Variants in USH2A observed in about 807,000 individuals in gnomAD.
USH2A encodes the protein Usher syndrome 2A (autosomal recessive, mild).
In USH2A, 443 loss-of-function variants were observed where a neutral mutation model predicts 538.9. The observed-to-expected ratio is 0.82, with a 90% CI of 0.76 to 0.89. The LOEUF is 0.89. Ranked by LOEUF, USH2A falls within the 40% of genes least tolerant of loss-of-function variation. The probability of loss-of-function intolerance (pLI) is 0.00; values close to 1 mark genes in which losing one functional copy is unlikely to be tolerated. For missense variants in USH2A, 6,633 were observed against 6,324.8 expected (o/e 1.05, Z -1.65); for synonymous variants, 2,413 against 2,273.5 (o/e 1.06, Z -1.75).
intron 58 of USH2A, among the ~76,000 whole-genome samples, chr1:215,744,635 G>A (rs889148381): frequency 1.3e-5 from 2 of 152,180 alleles, no homozygotes; most frequent in African/African-American, 4.8e-5. Context: ...TCTAAAGAAT[G>A]AAATGTGGTT....
chr1:216,316,037 C>T (rs996961829), intron 9 of USH2A, among the ~76,000 whole-genome samples: 1 of 151,778 alleles, frequency 6.6e-6, no homozygotes, highest in Admixed American at 6.6e-5. Flanking sequence ...AAAGTATTCT[C>T]TATGAGTGAA....
rs1052049860 is a variant in USH2A, at chr1:216,349,358, G to A, written c.784+15595C>T. On this transcript the variant is annotated intron_variant, in intron 4 of 71. Coordinates refer to ENST00000307340, the MANE Select transcript of USH2A (RefSeq NM_206933.4). ...GTAATTGTCAGGGGCTTTTGAACCAGAGCAACTCCATCTTGAATAGGGGCT... is the reference window on the plus strand; with the variant it reads ...GTAATTGTCAGGGGCTTTTGAACCAAAGCAACTCCATCTTGAATAGGGGCT... Among the ~76,000 whole-genome samples, 19 of 152,168 alleles carry A rather than the reference G, an allele frequency of 1.2e-4. No individual in the cohort carries two copies. The South Asian group carries it at 1.7e-3, about 13-fold the overall frequency.
At chr1:216,313,066 T>C (rs953039141) in intron 9 of USH2A, among the ~76,000 whole-genome samples, 6 of 152,134 alleles carry the variant, frequency 3.9e-5, no homozygotes, top group Admixed American at 3.3e-4. Flanking sequence ...GGGCAGCACA[T>C]GGGGAATGGT....
intron 47 of USH2A, among the ~76,000 whole-genome samples, chr1:215,836,713 C>T (rs574131319): frequency 7.6e-5 from 11 of 144,996 alleles, no homozygotes; most frequent in Admixed American, 7.2e-4. Context: ...CCCCCCACCA[C>T]GCCCTGCTAA....
At chr1:216,363,820 G>A (rs2038541616) in intron 4 of USH2A, among the ~76,000 whole-genome samples, 1 of 151,740 alleles carries the variant, frequency 6.6e-6, no homozygotes, top group African/African-American at 2.4e-5. Flanking sequence ...AACATTTGAA[G>A]GAGAAGTATT....
In USH2A at chr1:215,637,148, G is replaced by A. The variant is rs377149036; in HGVS notation, c.15052+2007C>T. ...CCACAGCCAGTGTCAGAGTAAATCCGTCTCTGTTGATGGCCTGCCTCCAGG... is the reference window on the plus strand; with the variant it reads ...CCACAGCCAGTGTCAGAGTAAATCCATCTCTGTTGATGGCCTGCCTCCAGG... On this transcript the variant is annotated intron_variant, in intron 69 of 71. Coordinates refer to ENST00000307340, the MANE Select transcript of USH2A (RefSeq NM_206933.4). 1.1e-4 allele frequency among the ~76,000 whole-genome samples: 16 copies of A among 152,182 alleles called. No homozygotes were observed. In the South Asian group the frequency reaches 1.5e-3, roughly 14 times the overall value.
chr1:216,016,303 T>A (rs1668710160), intron 32 of USH2A, among the ~76,000 whole-genome samples: 2 of 152,086 alleles, frequency 1.3e-5, no homozygotes, highest in African/African-American at 2.4e-5. Context: ...GTAACAAACC[T>A]GCACGTTTTG....
chr1:216,397,928 C>A (rs2039241649), intron 3 of USH2A, among the ~76,000 whole-genome samples: 1 of 152,196 alleles, frequency 6.6e-6, no homozygotes, highest in African/African-American at 2.4e-5. Flanking sequence ...CAGACATGCA[C>A]CTCCTATTGG....
intron 44 of USH2A, among the ~76,000 whole-genome samples, chr1:215,847,483 T>C (rs189572413): frequency 7.9e-5 from 12 of 151,714 alleles, no homozygotes; most frequent in Non-Finnish European, 1.6e-4. Flanking sequence ...CATCTCTACA[T>C]GAAACACAAA....
intron 4 of USH2A, among the ~76,000 whole-genome samples, chr1:216,343,055 A>T (rs891815741): frequency 6.6e-6 from 1 of 152,088 alleles, no homozygotes; most frequent in Non-Finnish European, 1.5e-5. Flanking sequence ...AATAAAAACA[A>T]ATCAAGTTAT....
intron 47 of USH2A, among the ~76,000 whole-genome samples, chr1:215,825,834 T>A (rs1476450768): frequency 6.6e-6 from 1 of 152,182 alleles, no homozygotes; most frequent in Non-Finnish European, 1.5e-5. Flanking sequence ...TATTTAATTA[T>A]CCTACTGAGA....
At chr1:216,343,515 T>C (rs1489689706) in intron 4 of USH2A, among the ~76,000 whole-genome samples, 1 of 139,160 alleles carries the variant, frequency 7.2e-6, no homozygotes, top group Non-Finnish European at 1.5e-5. Flanking sequence ...GACAAAGCAA[T>C]ACTACATCTT....
At chr1:215,796,066 A>G (rs1662125032) in intron 50 of USH2A, among the ~76,000 whole-genome samples, 1 of 152,194 alleles carries the variant, frequency 6.6e-6, no homozygotes, top group Non-Finnish European at 1.5e-5. Context: ...AAGCTTTTTA[A>G]ATGTTTAGTT....
intron 56 of USH2A, among the ~76,000 whole-genome samples, chr1:215,763,805 T>G (rs1034592907): frequency 6.6e-6 from 1 of 152,070 alleles, no homozygotes; most frequent in Non-Finnish European, 1.5e-5. Context: ...TCTCTTCTTA[T>G]AGCTATGAGG....
In USH2A at chr1:215,716,163, G is replaced by A. The variant is rs137880746; in HGVS notation, c.12066+11867C>T. On this transcript the variant is annotated intron_variant, in intron 61 of 71. Coordinates refer to ENST00000307340, the MANE Select transcript of USH2A (RefSeq NM_206933.4). ...TACGTCTCCCTTTGCTGTTTCTCTA[G>A]GGGCTGGTGCAGAACATCTGGAAAG... Among the ~76,000 whole-genome samples, 239 of 152,042 alleles carry A rather than the reference G, an allele frequency of 1.6e-3. 1 individual carries two copies. Among genetic ancestry groups the A allele is most frequent in the Middle Eastern group, 0.01 (3 of 294 alleles).
Position 215,867,016 on chromosome 1 carries a change from C to T in USH2A, c.8836G>A (p.Ala2946Thr). ...TGAGAAGCTTACTTACTTGGTTTAG[C>T]CCACCTCACGTCGATGGCTGTGTGG... is the stretch of plus-strand genomic sequence containing the variant. ...LNHTAIDVRWAKPTVQDLQGE... is the reference protein window; with the variant it reads ...LNHTAIDVRWTKPTVQDLQGE... Residue 2946 changes from alanine (A) to threonine (T), a missense_variant, in exon 44 of 72, where the codon GCT becomes ACT. Physicochemically the swap from Ala to Thr is moderately conservative, Grantham distance 58. Transcript: ENST00000307340. The T allele has an allele frequency of 3.1e-6, 5 of 1,614,090 alleles. No individual in the cohort carries two copies. The highest frequency in any genetic ancestry group is 2.2e-5 in the East Asian group (1 of 44,872).
chr1:216,025,287 T>C (rs1419429972), intron 32 of USH2A, among the ~76,000 whole-genome samples: 1 of 151,908 alleles, frequency 6.6e-6, no homozygotes, highest in African/African-American at 2.4e-5. Flanking sequence ...TAATTTGTCT[T>C]AGACTAAATA....
intron 50 of USH2A, 135 bp downstream of exon 50, chr1:215,798,772 A>G: frequency 2.0e-6 from 2 of 1,003,342 alleles, no homozygotes; most frequent in Non-Finnish European, 3.1e-6. Context: ...GTTAAACAAT[A>G]TGTTCCTAAT....
At chr1:215,894,465 G>A (rs1253483945) in intron 40 of USH2A, among the ~76,000 whole-genome samples, 1 of 152,074 alleles carries the variant, frequency 6.6e-6, no homozygotes, top group Non-Finnish European at 1.5e-5. Context: ...TATACCACAT[G>A]TTTCCTTCCT....
Sources: gnomAD v4.1 joint callset for allele counts (sites outside exome capture counted in the v4.1 genomes callset) on GRCh38, gnomAD v4.1.1 for gene constraint, MANE v1.5 for transcripts, NCBI Gene and HGNC (gene_info 2026-07-23, HGNC 2026-07-21) for gene names.